Variants in SRD5A2 observed in about 807,000 individuals in gnomAD.
SRD5A2 encodes the protein 3-oxo-5-alpha-steroid 4-dehydrogenase 2.
In SRD5A2, 30 loss-of-function variants were observed where a neutral mutation model predicts 27.4. The observed-to-expected ratio is 1.10, with a 90% CI of 0.82 to 1.49. The LOEUF is 1.49. SRD5A2 is among the 40% of genes most tolerant of loss of function. The probability of loss-of-function intolerance (pLI) is 0.00; values close to 1 mark genes in which losing one functional copy is unlikely to be tolerated. For missense variants in SRD5A2, 348 were observed against 323.4 expected (o/e 1.08, Z -0.58); for synonymous variants, 141 against 133.6 (o/e 1.06, Z -0.38).
At chr2:31,550,773 T>A (rs889157958) in intron 1 of SRD5A2, among the ~76,000 whole-genome samples, 1 of 152,016 alleles carries the variant, frequency 6.6e-6, no homozygotes, top group African/African-American at 2.4e-5. Context: ...GCTAACATTA[T>A]ATCGAACAGT....
At chr2:31,613,111 T>G in the SRD5A2 span, among the ~76,000 whole-genome samples, 1 of 152,176 alleles carries the variant, frequency 6.6e-6, no homozygotes, top group South Asian at 2.1e-4. Context: ...AGCTGGTTAA[T>G]GACTTCTTGG....
chr2:31,529,168 T>C (rs1251789565), intron 4 of SRD5A2, 139 bp downstream of exon 4: 25 of 1,253,262 alleles, frequency 2.0e-5, no homozygotes, highest in Non-Finnish European at 2.6e-5. Context: ...AGTCAGAATA[T>C]GCTAACCCAG....
At chr2:31,562,097 T>C (rs1666635893) in intron 1 of SRD5A2, among the ~76,000 whole-genome samples, 1 of 152,158 alleles carries the variant, frequency 6.6e-6, no homozygotes, top group Non-Finnish European at 1.5e-5. Flanking sequence ...GTTGGATAAA[T>C]ACATGCCATT....
At chr2:31,553,201 C>T (rs1666416456) in intron 1 of SRD5A2, among the ~76,000 whole-genome samples, 1 of 151,784 alleles carries the variant, frequency 6.6e-6, no homozygotes, top group South Asian at 2.1e-4. Flanking sequence ...AACTCAAAGA[C>T]AAGTTATTTG....
chr2:31,592,952 C>A, the SRD5A2 span, among the ~76,000 whole-genome samples: 12 of 152,164 alleles, frequency 7.9e-5, no homozygotes, highest in Non-Finnish European at 1.5e-4. Context: ...GAGTTCATGT[C>A]CTTTGTAGGG....
At chr2:31,622,994 G>C in the SRD5A2 span, among the ~76,000 whole-genome samples, 1,336 of 152,036 alleles carry the variant, frequency 8.8e-3, 23 homozygotes, top group African/African-American at 0.029. Context: ...TGCCAAATGA[G>C]TTCTTCAGCA....
At chr2:31,528,109 T>C (rs934007320) in intron 4 of SRD5A2, among the ~76,000 whole-genome samples, 25 of 152,330 alleles carry the variant, frequency 1.6e-4, no homozygotes, top group Non-Finnish European at 3.1e-4. Context: ...CCCAGGTTAG[T>C]GGATTAGTGA....
the SRD5A2 span, among the ~76,000 whole-genome samples, chr2:31,587,679 T>C: frequency 6.6e-6 from 1 of 152,082 alleles, no homozygotes; most frequent in East Asian, 1.9e-4. Context: ...TTCTCACTCA[T>C]AAGTGGCAGT....
the SRD5A2 span, among the ~76,000 whole-genome samples, chr2:31,650,814 G>A: frequency 6.6e-6 from 1 of 152,154 alleles, no homozygotes; most frequent in African/African-American, 2.4e-5. Context: ...GGAGAGAAGA[G>A]GGAAAACCAC....
In SRD5A2 at chr2:31,526,638, AC is replaced by A. The variant is rs1665790076; in HGVS notation, c.699-377del. Among the ~76,000 whole-genome samples the A allele has an allele frequency of 2.0e-5, 3 of 152,314 alleles. No individual in the cohort carries two copies. In the South Asian group the frequency reaches 6.2e-4, roughly 32 times the overall value. On this transcript the variant is annotated intron_variant, in intron 4 of 4. Transcript: ENST00000622030. Reference sequence around the variant, plus strand: ...ACTTGTTTGGATTCAGCTGGGAAATACAGGGAACCAAAGACTATGGGCAAAG... The same window carrying A: ...ACTTGTTTGGATTCAGCTGGGAAATAAGGGAACCAAAGACTATGGGCAAAG...
the SRD5A2 span, among the ~76,000 whole-genome samples, chr2:31,587,514 G>A: frequency 0.01 from 1,552 of 152,226 alleles, 21 homozygotes; most frequent in South Asian, 0.043. Flanking sequence ...CCCATCAATG[G>A]TAGACTGGAT....
the SRD5A2 span, among the ~76,000 whole-genome samples, chr2:31,653,862 T>C: frequency 6.6e-6 from 1 of 152,150 alleles, no homozygotes; most frequent in African/African-American, 2.4e-5. Context: ...TTTCACCATG[T>C]TCTCCAGGCT....
intron 1 of SRD5A2, among the ~76,000 whole-genome samples, chr2:31,545,961 G>A (rs1205941071): frequency 1.3e-5 from 2 of 152,078 alleles, no homozygotes; most frequent in African/African-American, 2.4e-5. Context: ...TCTCATTTAC[G>A]ATAGCATCAA....
the SRD5A2 span, among the ~76,000 whole-genome samples, chr2:31,648,962 C>A: frequency 6.6e-6 from 1 of 152,150 alleles, no homozygotes; most frequent in Non-Finnish European, 1.5e-5. Flanking sequence ...CCCTTGGAAG[C>A]CTTATAAGAT....
At chr2:31,561,071 G>T (rs1221382313) in intron 1 of SRD5A2, among the ~76,000 whole-genome samples, 1 of 152,078 alleles carries the variant, frequency 6.6e-6, no homozygotes, top group East Asian at 1.9e-4. Context: ...ATGCCTCCCT[G>T]GGGAAAGCAA....
At chr2:31,555,466 A>C (rs1366971992) in intron 1 of SRD5A2, among the ~76,000 whole-genome samples, 2 of 152,206 alleles carry the variant, frequency 1.3e-5, no homozygotes, top group East Asian at 3.9e-4. Context: ...GGTTTTGCTT[A>C]CATTTTTTTC....
rs1667027954 is a variant in SRD5A2, at chr2:31,579,588, G to A, written c.281+1032C>T. ...ACAAGCTCAGATTTGCATCTTAGCGGGCACCAGCTGTATTGTCTTCTTTCA... is the reference window on the plus strand; with the variant it reads ...ACAAGCTCAGATTTGCATCTTAGCGAGCACCAGCTGTATTGTCTTCTTTCA... On this transcript the variant is annotated intron_variant, in intron 1 of 4. Transcript: ENST00000622030. Among the ~76,000 whole-genome samples, 17 of 152,342 alleles carry A rather than the reference G, an allele frequency of 1.1e-4. No individual in the cohort carries two copies. In the South Asian group the frequency reaches 3.5e-3, roughly 32 times the overall value.
At chr2:31,585,127 A>T (rs960982814), upstream of SRD5A2, among the ~76,000 whole-genome samples, 3 of 152,246 alleles carry the variant, frequency 2.0e-5, no homozygotes, top group East Asian at 5.8e-4. Context: ...CCAAAGGGGA[A>T]TCACTAATTC....
At chr2:31,562,068 C>T (rs1179949643) in intron 1 of SRD5A2, among the ~76,000 whole-genome samples, 1 of 152,148 alleles carries the variant, frequency 6.6e-6, no homozygotes, top group Non-Finnish European at 1.5e-5. Context: ...CAGCTAAGGA[C>T]ATAACAGGCA....
Sources: allele counts gnomAD v4.1 joint callset (sites outside exome capture counted in the v4.1 genomes callset), GRCh38; gene constraint gnomAD v4.1.1; transcripts MANE v1.5; gene names NCBI Gene and HGNC (gene_info 2026-07-23, HGNC 2026-07-21).